Variants in LRRC74A observed in about 807,000 individuals in gnomAD.
LRRC74A encodes leucine rich repeat containing 74A, also known as leucine-rich repeat-containing protein 74A.
Under a neutral mutation model 57.9 loss-of-function variants are expected in LRRC74A, and 44 were observed. The observed-to-expected ratio is 0.76, with a 90% CI of 0.60 to 0.98. The LOEUF (loss-of-function observed/expected upper bound fraction) is 0.98, where lower values mean the gene tolerates loss of function less well. Among genes scored for constraint, LRRC74A ranks in the 50% least tolerant of loss-of-function variants. The pLI is 0.00. For missense variants in LRRC74A, 572 were observed against 574.0 expected, an observed-to-expected ratio of 1.00 and a Z score of 0.04; for synonymous variants, 211 against 219.4, an observed-to-expected ratio of 0.96 and a Z score of 0.34.
chr14:76,854,841 C>T (rs1056092297), intron 9 of LRRC74A, among the ~76,000 whole-genome samples: 2 of 152,164 alleles, frequency 1.3e-5, no homozygotes, highest in African/African-American at 4.8e-5. Flanking sequence ...TAATCATCCC[C>T]CTTTCTGGGG....
chr14:76,851,706 G>A (rs1394033161), intron 7 of LRRC74A, among the ~76,000 whole-genome samples: 8 of 130,486 alleles, frequency 6.1e-5, no homozygotes, highest in South Asian at 2.4e-4. Context: ...TCGCTCTGTC[G>A]CCAGGCTGGA....
At chr14:76,849,453 G>A (rs1897297307) in intron 7 of LRRC74A, among the ~76,000 whole-genome samples, 1 of 151,842 alleles carries the variant, frequency 6.6e-6, no homozygotes, top group Non-Finnish European at 1.5e-5. Flanking sequence ...CACTGCCCCG[G>A]GCCTGTGCTG....
chr14:76,850,214 A>G (rs1227287627), intron 7 of LRRC74A, among the ~76,000 whole-genome samples: 3 of 152,240 alleles, frequency 2.0e-5, no homozygotes, highest in Non-Finnish European at 4.4e-5. Flanking sequence ...TCTCAAAAAA[A>G]CAAAACAAAA....
At chr14:76,828,976 T>C in intron 2 of LRRC74A, 4 of 1,283,528 alleles carry the variant, frequency 3.1e-6, no homozygotes, top group Non-Finnish European at 4.1e-6. Context: ...CTTAGAGCTC[T>C]GGTTTCCCCT....
chr14:76,863,006 T>C (rs1449391846), intron 11 of LRRC74A, among the ~76,000 whole-genome samples: 1 of 150,860 alleles, frequency 6.6e-6, no homozygotes, highest in African/African-American at 2.4e-5. Flanking sequence ...TTGAAGAGGG[T>C]AAGAAAAAAG....
chr14:76,861,797 A>AC (rs1898331152), intron 11 of LRRC74A, among the ~76,000 whole-genome samples: 1 of 152,222 alleles, frequency 6.6e-6, no homozygotes, highest in Non-Finnish European at 1.5e-5. Context: ...TGCTGGCCGC[A>AC]GAGCGGTTAC....
At chr14:76,844,121 C>G (rs1352659470) in intron 5 of LRRC74A, among the ~76,000 whole-genome samples, 1 of 152,218 alleles carries the variant, frequency 6.6e-6, no homozygotes, top group Non-Finnish European at 1.5e-5. Flanking sequence ...ACCTCAGCCT[C>G]CAAAGTAGCT....
chr14:76,828,491 C>G, intron 2 of LRRC74A, 72 bp downstream of exon 2: 9 of 1,599,514 alleles, frequency 5.6e-6, no homozygotes, highest in Non-Finnish European at 6.8e-6. Flanking sequence ...TTTCCAGGAG[C>G]TGTCATCTCA....
intron 10 of LRRC74A, 95 bp downstream of exon 10, chr14:76,857,570 C>T: frequency 1.3e-6 from 1 of 777,592 alleles, no homozygotes; most frequent in Non-Finnish European, 2.2e-6. Flanking sequence ...CAGCTCTATC[C>T]CTCACAGGCC....
intron 10 of LRRC74A, among the ~76,000 whole-genome samples, chr14:76,860,135 C>T (rs183289935): frequency 3.3e-5 from 5 of 152,290 alleles, no homozygotes; most frequent in East Asian, 3.9e-4. Context: ...AAATGTACTC[C>T]GAGCCACATC....
chr14:76,846,691 T>G (rs751738728), intron 7 of LRRC74A, among the ~76,000 whole-genome samples: 1 of 151,900 alleles, frequency 6.6e-6, no homozygotes. Flanking sequence ...AAGAGAGAGA[T>G]AGACTCATGG....
intron 7 of LRRC74A, among the ~76,000 whole-genome samples, chr14:76,845,974 C>T (rs1022733931): frequency 2.6e-5 from 4 of 152,094 alleles, no homozygotes; most frequent in Admixed American, 6.5e-5. Flanking sequence ...GCCAAGATGG[C>T]GACACTGCAC....
At chr14:76,864,220 A>C (rs1215297207) in intron 11 of LRRC74A, among the ~76,000 whole-genome samples, 2 of 152,096 alleles carry the variant, frequency 1.3e-5, no homozygotes, top group Non-Finnish European at 2.9e-5. Flanking sequence ...AGGATGGAGA[A>C]CTGGAAATGT....
chr14:76,829,633 AG>A (rs1895832182), intron 2 of LRRC74A, among the ~76,000 whole-genome samples: 3 of 152,228 alleles, frequency 2.0e-5, no homozygotes, highest in Admixed American at 2.0e-4. Context: ...ACAGCTAGAA[AG>A]GGTCAGCATC....
In LRRC74A at chr14:76,852,465, A is replaced by G. The variant is rs1219299368; in HGVS notation, c.762+15A>G. ...ATGGTCTCCGGGTAAGGCACTCTCC[A>G]GGAGTGATGTGTGGAGCCCAGTTGA... On this transcript the variant is annotated intron_variant, in intron 8 of 13. Coordinates refer to ENST00000689127, the MANE Select transcript of LRRC74A (RefSeq NM_001385106.1). 6.4e-7 allele frequency: 1 copy of G among 1,572,880 alleles called. No homozygotes were observed. The highest frequency in any genetic ancestry group is 8.7e-7 in the Non-Finnish European group (1 of 1,148,586).
intron 9 of LRRC74A, 94 bp downstream of exon 9, chr14:76,853,504 G>C: frequency 8.3e-7 from 1 of 1,201,448 alleles, no homozygotes; most frequent in South Asian, 1.4e-5. Flanking sequence ...CAGAGTACTG[G>C]AGAGAATAAT....
At chr14:76,856,156 C>T (rs1437307482) in intron 9 of LRRC74A, among the ~76,000 whole-genome samples, 1 of 152,228 alleles carries the variant, frequency 6.6e-6, no homozygotes, top group Non-Finnish European at 1.5e-5. Flanking sequence ...TGCTGTTTCA[C>T]ACCCCTATGC....
intron 5 of LRRC74A, among the ~76,000 whole-genome samples, chr14:76,840,818 C>T (rs1378392362): frequency 4.6e-5 from 7 of 152,056 alleles, no homozygotes; most frequent in Admixed American, 2.6e-4. Context: ...CTCCTGACCT[C>T]GTGATCCGCC....
In LRRC74A at chr14:76,826,583, G is replaced by A. The variant is rs771362058; in HGVS notation, c.-115G>A. On this transcript the variant is annotated 5_prime_UTR_variant, in exon 1 of 14. Coordinates refer to ENST00000689127, the MANE Select transcript of LRRC74A (RefSeq NM_001385106.1). Reference sequence around the variant, plus strand: ...TGCAGGCTCCCCTGGGATGCCCCCAGGTGAGGGAAGTTCACAGAGTTTGAG... The same window carrying A: ...TGCAGGCTCCCCTGGGATGCCCCCAAGTGAGGGAAGTTCACAGAGTTTGAG... 4.3e-6 allele frequency: 7 copies of A among 1,612,992 alleles called. No individual in the cohort carries two copies. Among genetic ancestry groups the A allele is most frequent in the South Asian group, 2.2e-5 (2 of 90,780 alleles).
Sources: gnomAD v4.1 joint callset for allele counts (sites outside exome capture counted in the v4.1 genomes callset) on GRCh38, gnomAD v4.1.1 for gene constraint, MANE v1.5 for transcripts, NCBI Gene and HGNC (gene_info 2026-07-23, HGNC 2026-07-21) for gene names.